Variants in USP11 observed in about 807,000 individuals in gnomAD.
USP11 encodes the protein ubiquitin specific peptidase 11, also known as ubiquitin carboxyl-terminal hydrolase 11.
Under a neutral mutation model 72.8 loss-of-function variants are expected in USP11, and 5 were observed. The observed-to-expected ratio is 0.07, with a 90% CI of 0.04 to 0.14. The LOEUF (loss-of-function observed/expected upper bound fraction) is 0.14. USP11 is among the 10% of genes least tolerant of loss of function. USP11 has a pLI of 1.00. For synonymous variants in USP11, 368 were observed against 326.5 expected, an observed-to-expected ratio of 1.13 and a Z score of -1.37; for missense variants, 480 against 794.7, an observed-to-expected ratio of 0.60 and a Z score of 4.76.
In USP11 at chrX:47,241,618, G is replaced by T; in HGVS notation, c.1098G>T (p.Leu366=). Residue 366 remains leucine (L), a synonymous_variant, in exon 9 of 21, where the codon CTG becomes CTT. Transcript: ENST00000377107. Reference sequence around the variant, plus strand: ...CTCAGGAGCTGCTGTCATTCCTCCTGGACGGGCTGCATGAGGACCTTAATC... The same window carrying T: ...CTCAGGAGCTGCTGTCATTCCTCCTTGACGGGCTGCATGAGGACCTTAATC... The part of the protein sequence containing the change: ...HDSQELLSFL[L]DGLHEDLNRV... 1 of 1,210,970 alleles carries T rather than the reference G, an allele frequency of 8.3e-7. No individual in the cohort carries two copies. The highest frequency in any genetic ancestry group is 1.1e-6 in the Non-Finnish European group (1 of 895,179).
chrX:47,246,769 C>T lies in USP11; in HGVS notation c.2271-303C>T, dbSNP rs761582879. ...GGCATTGTGGCTCATGCCTGTCATC[C>T]GAGTACCTTGGGAGGCCGACACGGG... On this transcript the variant is annotated intron_variant, in intron 17 of 20. Transcript: ENST00000377107. Among the ~76,000 whole-genome samples the T allele has an allele frequency of 5.4e-5, 6 of 110,873 alleles. No homozygotes were observed. In the East Asian group the frequency reaches 8.5e-4, roughly 16 times the overall value.
At chrX:47,242,417 G>A in intron 10 of USP11, 22 bp from the exon 11 acceptor site, 1 of 1,211,659 alleles carries the variant, frequency 8.3e-7, no homozygotes, top group Non-Finnish European at 1.1e-6. Flanking sequence ...TTGGTCTTTT[G>A]TGGATACCGT....
In USP11 at chrX:47,247,942, C is replaced by T. The variant is rs768809633; in HGVS notation, c.*12C>T. 8.7e-7 allele frequency: 1 copy of T among 1,151,146 alleles called. No homozygotes were observed. The allele number at this position is 1,151,146 out of a possible 1,213,427, so 94.9% of individuals were successfully genotyped here. A position where few individuals can be genotyped will look rare whatever the true frequency, so the allele number is the denominator to read the frequency against. On this transcript the variant is annotated 3_prime_UTR_variant, in exon 21 of 21. Transcript: ENST00000377107. ...TGGATGTTAATTGAGAGCCCTGGGT[C>T]CTGCCACAGAAAAAAAAAAAAAAAA...
Position 47,239,382 on chromosome X carries a change from G to C in USP11, c.318G>C (p.Leu106=). Reference sequence around the variant, plus strand: ...TAAACTGGCGCCTCAAGGAGGGACTGGTGGAAGGCGAGGATTATGTGCTGC... The same window carrying C: ...TAAACTGGCGCCTCAAGGAGGGACTCGTGGAAGGCGAGGATTATGTGCTGC... ...DEINWRLKEG[L]VEGEDYVLLP... The change falls in exon 3 of 21, where the codon CTG becomes CTC. Residue 106 remains leucine (L), a synonymous_variant. Transcript: ENST00000377107. 8.3e-7 allele frequency: 1 copy of C among 1,211,473 alleles called. No homozygotes were observed. The highest frequency in any genetic ancestry group is 1.1e-6 in the Non-Finnish European group (1 of 895,363).
rs1191695162 is a variant in USP11 at position 47,233,091 on chromosome X, G to GGCGGCA, written c.54_59dup (p.Ala19_Ala20dup). ...CAGCTGCTGCTGCGGCGGCTGTGGC[G>GGCGGCA]GCGGCAGCGGCGGTGACTGAGGATA... On this transcript the variant is annotated inframe_insertion, in exon 1 of 21. Transcript: ENST00000377107. 1.2e-5 allele frequency: 14 copies of GGCGGCA among 1,195,246 alleles called. No homozygotes were observed. Among genetic ancestry groups the GGCGGCA allele is most frequent in the Admixed American group, 2.3e-5 (1 of 43,795 alleles).
Position 47,241,400 on chromosome X carries a change from A to G in USP11, c.970A>G (p.Lys324Glu). 1 of 1,210,825 alleles carries G rather than the reference A, an allele frequency of 8.3e-7. No homozygotes were observed. The highest frequency in any genetic ancestry group is 1.1e-6 in the Non-Finnish European group (1 of 895,107). Residue 324 changes from lysine to glutamate, a missense_variant, in exon 8 of 21, where the codon AAG becomes GAG. Transcript: ENST00000377107. ...EIAEAYADLVKQAWSGHHRSI... is the reference protein window; with the variant it reads ...EIAEAYADLVEQAWSGHHRSI... ...CGCAGAGGCCTATGCAGACCTGGTG[A>G]AGCAGGCGTGGTCTGGCCACCACCG...
chrX:47,236,917 G>T (rs1294570067), intron 1 of USP11, among the ~76,000 whole-genome samples: 4 of 112,061 alleles, frequency 3.6e-5, no homozygotes, highest in Non-Finnish European at 7.5e-5. Flanking sequence ...GACAGAGATT[G>T]TGAGACATCC....
Position 47,239,811 on chromosome X carries a change from C to T in USP11, c.439C>T (p.Gln147Ter). ...ACAGGTCATAGAGCTGCCCAACATC[C>T]AGAAGGTCGAAGTGTACCCAGTAGA... ...ERKVIELPNI[Q>*]KVEVYPVELL... is the part of the protein sequence containing the mutation. Residue 147 changes from glutamine to a stop codon, truncating the protein, a stop_gained, in exon 4 of 21, where the codon CAG becomes TAG. Transcript: ENST00000377107. LOFTEE classifies it high-confidence loss of function. 1 of 1,211,729 alleles carries T rather than the reference C, an allele frequency of 8.3e-7. No homozygotes were observed. The highest frequency in any genetic ancestry group is 1.1e-6 in the Non-Finnish European group (1 of 895,468).
In USP11 at chrX:47,242,303, G is replaced by A; in HGVS notation, c.1401G>A (p.Glu467=). ...FIPMDPRRKP[E]QHRLVVPKKG... is the part of the protein sequence containing the mutation. ...CCATGGATCCGCGCCGCAAGCCAGA[G>A]CAGGTGTGGGGCAGTGGGGGCCTGG... Residue 467 remains glutamate, a synonymous_variant, in exon 10 of 21, where the codon GAG becomes GAA. Coordinates refer to ENST00000377107, the MANE Select transcript of USP11 (RefSeq NM_001371072.1). 8.3e-7 allele frequency: 1 copy of A among 1,211,514 alleles called. No individual in the cohort carries two copies. The highest frequency in any genetic ancestry group is 1.1e-6 in the Non-Finnish European group (1 of 895,150).
chrX:47,238,487 C>CTTTTTT lies in USP11; in HGVS notation c.177-564_177-559dup, dbSNP rs57112058. Among the ~76,000 whole-genome samples, 30 of 44,301 alleles carry CTTTTTT rather than the reference C, an allele frequency of 6.8e-4. 3 individuals are homozygous for CTTTTTT. Among genetic ancestry groups the CTTTTTT allele is most frequent in the African/African-American group, 3.0e-3 (28 of 9,259 alleles). The allele number at this position is 44,301 out of a possible 115,157, so 38.5% of individuals were successfully genotyped here. A position where few individuals can be genotyped will look rare whatever the true frequency, so the allele number is the denominator to read the frequency against. On this transcript the variant is annotated intron_variant, in intron 1 of 20. Coordinates refer to ENST00000377107, the MANE Select transcript of USP11 (RefSeq NM_001371072.1). ...ACTGGCGTGAGCCACTGTGCCCGGT[C>CTTTTTT]TTTTTTTTTTTTTTTTTTTTTTTTC...
At chrX:47,243,312 G>A in intron 12 of USP11, 84 bp from the exon 13 acceptor site, 2 of 958,572 alleles carry the variant, frequency 2.1e-6, no homozygotes, top group Non-Finnish European at 2.9e-6. Context: ...CAGGCTGTGA[G>A]GATGAGTGGG....
chrX:47,238,405 C>G (rs1181380370), intron 1 of USP11, among the ~76,000 whole-genome samples: 1 of 104,227 alleles, frequency 9.6e-6, no homozygotes, highest in Admixed American at 1.1e-4. Context: ...CCAGGCTGGT[C>G]TTGAACTCCT....
chrX:47,240,445 G>C lies in USP11; in HGVS notation c.676G>C (p.Gly226Arg). Residue 226 changes from glycine (G) to arginine (R), a missense_variant, in exon 5 of 21, where the codon GGG becomes CGG. Gly to Arg is a moderately radical substitution (Grantham distance 125). Around this residue, in one of 5 missense-constraint regions of USP11, gnomAD observed 80 missense variants for 100.9 expected, o/e 0.79. Transcript: ENST00000377107. ...ITVLDAALET[G>R]QLIIMETRKK... ...GGTTCTCGATGCGGCCCTTGAGACT[G>C]GGCAGGTAAGGGTGGGGAGGGCTTT... The C allele has an allele frequency of 8.3e-7, 1 of 1,211,738 alleles. No homozygotes were observed. The highest frequency in any genetic ancestry group is 1.8e-5 in the South Asian group (1 of 56,976).
Position 47,241,468 on chromosome X carries a change from G to T in USP11, c.1020+18G>T. 3 of 1,196,026 alleles carry T rather than the reference G, an allele frequency of 2.5e-6. No individual in the cohort carries two copies. The highest frequency in any genetic ancestry group is 3.4e-6 in the Non-Finnish European group (3 of 886,283). On this transcript the variant is annotated intron_variant, in intron 8 of 20. Coordinates refer to ENST00000377107, the MANE Select transcript of USP11 (RefSeq NM_001371072.1). ...TGTTCAAGGTGTGACTCAACCCTGG[G>T]CACCCCCGACCCCCTACGTCTCTTG... is the stretch of plus-strand genomic sequence containing the variant.
At chrX:47,233,650 G>A in intron 1 of USP11, 1 of 613,809 alleles carries the variant, frequency 1.6e-6, no homozygotes, top group Non-Finnish European at 2.0e-6. Flanking sequence ...GCTTTGTGAC[G>A]TCAGCAGAAG....
intron 12 of USP11, 103 bp from the exon 13 acceptor site, chrX:47,243,290 TAAA>T: frequency 1.4e-6 from 1 of 730,188 alleles, no homozygotes. Context: ...TAAATAAAAA[TAAA>T]AATGCCTTCA....
intron 1 of USP11, among the ~76,000 whole-genome samples, 157 bp from the exon 2 acceptor site, chrX:47,238,913 C>A (rs1228094997): frequency 8.9e-6 from 1 of 112,231 alleles, no homozygotes; most frequent in Non-Finnish European, 1.9e-5. Context: ...CTGAGTTTCA[C>A]TGAATAAATT....
In USP11 at chrX:47,233,200, C is replaced by T. The variant is rs1214700966; in HGVS notation, c.157C>T (p.Leu53=). The change falls in exon 1 of 21, where the codon CTG becomes TTG. Residue 53 remains leucine (L), a synonymous_variant. Coordinates refer to ENST00000377107, the MANE Select transcript of USP11 (RefSeq NM_001371072.1). Reference sequence around the variant, plus strand: ...CGGCGAGAGTGGGCGAGAACGTCCACTGCGGGCCGGCGAAAGCTGGTGAGG... The same window carrying T: ...CGGCGAGAGTGGGCGAGAACGTCCATTGCGGGCCGGCGAAAGCTGGTGAGG... ...ENGESGRERP[L]RAGESWFLVE... The T allele has an allele frequency of 3.4e-6, 4 of 1,171,943 alleles. No individual in the cohort carries two copies. In the Admixed American group the frequency reaches 9.7e-5, roughly 28 times the overall value.
intron 12 of USP11, 37 bp from the exon 13 acceptor site, chrX:47,243,359 G>C (rs757771785): frequency 4.2e-6 from 5 of 1,200,749 alleles, no homozygotes; most frequent in South Asian, 1.8e-5. Context: ...GTCTCTGGGG[G>C]CCCTGATCAG....
Sources: gnomAD v4.1 joint callset for allele counts (sites outside exome capture counted in the v4.1 genomes callset) on GRCh38, gnomAD v4.1.1 for gene constraint, gnomAD v4.1.1 regional missense constraint, MANE v1.5 for transcripts, NCBI Gene and HGNC (gene_info 2026-07-23, HGNC 2026-07-21) for gene names.